PIK3R2: variants seen among roughly 807,000 people sequenced by gnomAD.
PIK3R2 encodes the protein phosphatidylinositol 3-kinase regulatory subunit beta.
PIK3R2 carries 40 observed loss-of-function variants against 78.5 expected under a neutral mutation model. The ratio of observed to expected loss-of-function variants is 0.51; its 90% confidence interval spans 0.40 to 0.66. The LOEUF (loss-of-function observed/expected upper bound fraction) is 0.66, where lower values mean the gene tolerates loss of function less well. PIK3R2 is among the 30% of genes least tolerant of loss of function. The probability of loss-of-function intolerance (pLI) is 0.00; values close to 1 mark genes in which losing one functional copy is unlikely to be tolerated. For synonymous variants in PIK3R2, 473 were observed against 457.7 expected (o/e 1.03, Z -0.43); for missense variants, 880 against 1,026.6 (o/e 0.86, Z 1.95).
At position 18,167,319 on chromosome 19, in the gene PIK3R2, T is replaced by A; in HGVS notation, c.1736+13T>A. On this transcript the variant is annotated intron_variant, in intron 13 of 15. Coordinates refer to ENST00000222254, the MANE Select transcript of PIK3R2 (RefSeq NM_005027.4). This position sits in a 1 kb window ranked among gnomAD's most constrained non-coding sequence, Gnocchi z 4.5. ...ACCAGTACCTCGTGTAAGTGGCGGC[T>A]CCATACTTCCCTGCGGCTCCCTGGC... The A allele has an allele frequency of 1.3e-6, 2 of 1,555,646 alleles. No individual in the cohort carries two copies. Among genetic ancestry groups the A allele is most frequent in the Non-Finnish European group, 1.7e-6 (2 of 1,148,352 alleles).
chr19:18,161,274 C>A lies in PIK3R2; in HGVS notation c.599-5C>A. On this transcript the variant is annotated splice_region_variant and splice_polypyrimidine_tract_variant and intron_variant, in intron 5 of 15. Transcript: ENST00000222254. The surrounding 1 kb of genome is among the most constrained non-coding windows in gnomAD (Gnocchi z 5.3). ...GCTCACCCTGCCCTGGCCATCTGTC[C>A]GCAGAGGCCGCGGGGCCCGTGGGGC... The A allele has an allele frequency of 7.1e-7, 1 of 1,405,716 alleles. No homozygotes were observed. The highest frequency in any genetic ancestry group is 1.5e-5 in the South Asian group (1 of 64,634). The allele number at this position is 1,405,716 out of a possible 1,614,324, so 87.1% of individuals were successfully genotyped here. A position where few individuals can be genotyped will look rare whatever the true frequency, so the allele number is the denominator to read the frequency against.
chr19:18,155,151 C>T (rs2147943855), intron 1 of PIK3R2, among the ~76,000 whole-genome samples: 1 of 138,392 alleles, frequency 7.2e-6, no homozygotes, highest in African/African-American at 2.7e-5. Context: ...GAGCTGAGAT[C>T]ACACCACTGC....
At chr19:18,153,697 C>G (rs2043647134) in intron 1 of PIK3R2, among the ~76,000 whole-genome samples, 1 of 152,296 alleles carries the variant, frequency 6.6e-6, no homozygotes, top group Admixed American at 6.5e-5. Flanking sequence ...CCACGCAGAC[C>G]CAAGTGCGCG....
In PIK3R2 at chr19:18,156,080, A is replaced by T. The variant is rs377730780; in HGVS notation, c.201A>T (p.Arg67=). 1.3e-6 allele frequency: 2 copies of T among 1,561,540 alleles called. No individual in the cohort carries two copies. The highest frequency in any genetic ancestry group is 1.7e-6 in the Non-Finnish European group (2 of 1,153,978). The change falls in exon 2 of 16, where the codon CGA becomes CGT. Residue 67 remains arginine, a synonymous_variant. Coordinates refer to ENST00000222254, the MANE Select transcript of PIK3R2 (RefSeq NM_005027.4). The surrounding 1 kb of genome is among the most constrained non-coding windows in gnomAD (Gnocchi z 4.2). ...GCCTCAACGAGCGCACACGGCAGCG[A>T]GGTGACTTCCCTGGCACCTATGTGG... ...MPGLNERTRQ[R]GDFPGTYVEF...
chr19:18,158,424 G>A (rs949739654), intron 2 of PIK3R2, among the ~76,000 whole-genome samples: 6 of 151,720 alleles, frequency 4.0e-5, no homozygotes, highest in African/African-American at 7.3e-5. Flanking sequence ...CCGGGAGATG[G>A]AGGTTGCAGT....
rs1268290075 is a variant in PIK3R2 at position 18,161,978 on chromosome 19, C to T, written c.828C>T (p.Ser276=). Reference sequence around the variant, plus strand: ...CCTTCCCCCTAAGGAGTGAGCCCAGCCCTGACTTCCCGGCGCTGCTGGTGG... The same window carrying T: ...CCTTCCCCCTAAGGAGTGAGCCCAGTCCTGACTTCCCGGCGCTGCTGGTGG... ...PGGAPDGSEP[S]PDFPALLVEK... is the part of the protein sequence containing the mutation. Residue 276 remains serine (S), a synonymous_variant, in exon 7 of 16, where the codon AGC becomes AGT. Transcript: ENST00000222254. The surrounding 1 kb of genome is among the most constrained non-coding windows in gnomAD (Gnocchi z 5.3). 1 of 1,613,828 alleles carries T rather than the reference C, an allele frequency of 6.2e-7. No individual in the cohort carries two copies. Among genetic ancestry groups the T allele is most frequent in the Non-Finnish European group, 8.5e-7 (1 of 1,179,922 alleles).
intron 2 of PIK3R2, among the ~76,000 whole-genome samples, chr19:18,157,220 G>C (rs900058440): frequency 6.6e-6 from 1 of 152,222 alleles, no homozygotes; most frequent in Non-Finnish European, 1.5e-5. Flanking sequence ...CAGGCATCTG[G>C]TATCTCCAGG....
intron 11 of PIK3R2, among the ~76,000 whole-genome samples, chr19:18,164,041 G>A (rs868481036): frequency 2.7e-5 from 4 of 149,818 alleles, no homozygotes; most frequent in Non-Finnish European, 5.9e-5. Context: ...CAGGAGAATC[G>A]CTTGAGCCTG....
At position 18,155,987 on chromosome 19, in the gene PIK3R2, G is replaced by C; in HGVS notation, c.108G>C (p.Ala36=). The part of the protein sequence containing the change: ...LPGDVLVVSR[A]ALQALGVAEG... ...GCGACGTGCTGGTAGTGAGCCGGGC[G>C]GCCTTGCAGGCGCTGGGCGTGGCCG... The change falls in exon 2 of 16, where the codon GCG becomes GCC. Residue 36 remains alanine, a synonymous_variant. Transcript: ENST00000222254. 6 of 1,560,560 alleles carry C rather than the reference G, an allele frequency of 3.8e-6. No individual in the cohort carries two copies. Among genetic ancestry groups the C allele is most frequent in the Non-Finnish European group, 4.3e-6 (5 of 1,152,814 alleles).
Position 18,166,273 on chromosome 19 carries a change from G to A in PIK3R2, c.1530G>A (p.Arg510=). ...GCAAGGAATACCTGGAGCGCTTCCG[G>A]CGTGAGGGCAACGAGAAAGAGATGC... ...KCSKEYLERF[R]REGNEKEMQR... is the part of the protein sequence containing the mutation. Residue 510 remains arginine, a synonymous_variant, in exon 12 of 16, where the codon CGG becomes CGA. Transcript: ENST00000222254. The A allele has an allele frequency of 6.2e-7, 1 of 1,614,176 alleles. No individual in the cohort carries two copies. Among genetic ancestry groups the A allele is most frequent in the Non-Finnish European group, 8.5e-7 (1 of 1,180,032 alleles).
chr19:18,161,438 T>C lies in PIK3R2; in HGVS notation c.758T>C (p.Leu253Pro), dbSNP rs1444369073. The C allele has an allele frequency of 1.7e-6, 2 of 1,204,914 alleles. No individual in the cohort carries two copies. Among genetic ancestry groups the C allele is most frequent in the Non-Finnish European group, 1.0e-6 (1 of 972,800 alleles). The allele number at this position is 1,204,914 out of a possible 1,614,324, so 74.6% of individuals were successfully genotyped here. Residue 253 changes from leucine (L) to proline (P), a missense_variant, in exon 6 of 16, where the codon CTG becomes CCG. Leu to Pro is a moderately conservative substitution (Grantham distance 98). Coordinates refer to ENST00000222254, the MANE Select transcript of PIK3R2 (RefSeq NM_005027.4). The surrounding 1 kb of genome is among the most constrained non-coding windows in gnomAD (Gnocchi z 5.3). ...GCCCTGGGCGCCACCTTTGGGCCGC[T>C]GCTGCTGCGCGCGCCGCCGCCGCCG... ...VRALGATFGPLLLRAPPPPSS... is the reference protein window; with the variant it reads ...VRALGATFGPPLLRAPPPPSS...
At chr19:18,159,144 C>CTTTTTTTTTTTTTTTT (rs57543686) in intron 2 of PIK3R2, among the ~76,000 whole-genome samples, 1,422 of 49,950 alleles carry the variant, frequency 0.028, 280 homozygotes, top group Middle Eastern at 0.06. Context: ...GCCTGGCCTC[C>CTTTTTTTTTTTTTTTT]TTTTTTTTTT....
chr19:18,158,636 A>G (rs2043706328), intron 2 of PIK3R2, among the ~76,000 whole-genome samples: 1 of 152,174 alleles, frequency 6.6e-6, no homozygotes, highest in Non-Finnish European at 1.5e-5. Context: ...TGTCTCAAAA[A>G]AAATGAGAGG....
In PIK3R2 at chr19:18,169,458, C is replaced by T. The variant is rs1326816366; in HGVS notation, c.*164C>T. On this transcript the variant is annotated 3_prime_UTR_variant, in exon 16 of 16. Coordinates refer to ENST00000222254, the MANE Select transcript of PIK3R2 (RefSeq NM_005027.4). ...CACCCTCTTTCTCTTTCCTTCCCTC[C>T]CCCATTCTCCAGATCTCCCTCTGTC... The T allele has an allele frequency of 2.5e-5, 9 of 365,250 alleles. No homozygotes were observed. Among genetic ancestry groups the T allele is most frequent in the Non-Finnish European group, 2.9e-5 (6 of 204,412 alleles). The allele number at this position is 365,250 out of a possible 1,614,324, so 22.6% of individuals were successfully genotyped here.
chr19:18,165,221 T>C (rs2043796357), intron 11 of PIK3R2, among the ~76,000 whole-genome samples: 1 of 151,454 alleles, frequency 6.6e-6, no homozygotes, highest in African/African-American at 2.4e-5. Context: ...TACAAAAAAT[T>C]AGGCGTCATG....
In PIK3R2 at chr19:18,167,702, A is replaced by G. The variant is rs1324805967; in HGVS notation, c.1736+396A>G. ...GTGAAACCCCGTCTCTACTAAAAAT[A>G]AAAAATACAAAACCCGGCCAGGCAT... On this transcript the variant is annotated intron_variant, in intron 13 of 15. Coordinates refer to ENST00000222254, the MANE Select transcript of PIK3R2 (RefSeq NM_005027.4). This position sits in a 1 kb window ranked among gnomAD's most constrained non-coding sequence, Gnocchi z 4.5. Among the ~76,000 whole-genome samples the G allele has an allele frequency of 6.6e-6, 1 of 152,032 alleles. No homozygotes were observed. The highest frequency in any genetic ancestry group is 1.5e-5 in the Non-Finnish European group (1 of 67,998).
At position 18,161,248 on chromosome 19, in the gene PIK3R2, G is replaced by A; in HGVS notation, c.599-31G>A. 6.7e-7 allele frequency: 1 copy of A among 1,483,428 alleles called. No individual in the cohort carries two copies. The highest frequency in any genetic ancestry group is 1.3e-5 in the South Asian group (1 of 75,278). The allele number at this position is 1,483,428 out of a possible 1,614,324, so 91.9% of individuals were successfully genotyped here. A position where few individuals can be genotyped will look rare whatever the true frequency, so the allele number is the denominator to read the frequency against. On this transcript the variant is annotated intron_variant, in intron 5 of 15. Coordinates refer to ENST00000222254, the MANE Select transcript of PIK3R2 (RefSeq NM_005027.4). This position sits in a 1 kb window ranked among gnomAD's most constrained non-coding sequence, Gnocchi z 5.3. Reference sequence around the variant, plus strand: ...GTAGCGGGTGGGAGGGCCCAGGCCTGGCTCACCCTGCCCTGGCCATCTGTC... The same window carrying A: ...GTAGCGGGTGGGAGGGCCCAGGCCTAGCTCACCCTGCCCTGGCCATCTGTC...
intron 11 of PIK3R2, among the ~76,000 whole-genome samples, chr19:18,164,684 A>T (rs1311806865): frequency 9.7e-5 from 14 of 144,810 alleles, no homozygotes; most frequent in African/African-American, 1.5e-4. Context: ...CATCCAGGCT[A>T]GAGTGCTGTG....
chr19:18,168,105 A>C lies in PIK3R2; in HGVS notation c.1737-370A>C, dbSNP rs1415539551. Among the ~76,000 whole-genome samples the C allele has an allele frequency of 2.0e-5, 3 of 152,106 alleles. No homozygotes were observed. The highest frequency in any genetic ancestry group is 4.4e-5 in the Non-Finnish European group (3 of 68,030). On this transcript the variant is annotated intron_variant, in intron 13 of 15. Coordinates refer to ENST00000222254, the MANE Select transcript of PIK3R2 (RefSeq NM_005027.4). This position sits in a 1 kb window ranked among gnomAD's most constrained non-coding sequence, Gnocchi z 4.1. Reference sequence around the variant, plus strand: ...TTGGTCCTTTTCAAGCCCTTTGTAAAGTTTGCCCTTTACAGCTGGGGAGAC... The same window carrying C: ...TTGGTCCTTTTCAAGCCCTTTGTAACGTTTGCCCTTTACAGCTGGGGAGAC...
Sources: gnomAD v4.1 joint callset for allele counts (sites outside exome capture counted in the v4.1 genomes callset) on GRCh38, gnomAD v4.1.1 for gene constraint, Gnocchi (gnomAD v3.1) non-coding constraint, MANE v1.5 for transcripts, NCBI Gene and HGNC (gene_info 2026-07-23, HGNC 2026-07-21) for gene names.